The following KCNK3 variants were observed in gnomAD, a reference collection of about 807,000 sequenced individuals.
The protein encoded by KCNK3 is potassium channel subfamily K member 3.
KCNK3 carries 9 observed loss-of-function variants against 27.3 expected under a neutral mutation model. The observed-to-expected ratio is 0.33, with a 90% CI of 0.20 to 0.57. KCNK3 has a LOEUF of 0.57. Ranked by LOEUF, KCNK3 falls within the 20% of genes least tolerant of loss-of-function variation. The probability of loss-of-function intolerance (pLI) is 0.87; values close to 1 mark genes in which losing one functional copy is unlikely to be tolerated. For missense variants in KCNK3, 391 were observed against 577.7 expected, an observed-to-expected ratio of 0.68 and a Z score of 3.31; for synonymous variants, 278 against 273.8, an observed-to-expected ratio of 1.02 and a Z score of -0.15.
chr2:26,731,398 C>T lies in KCNK3; in HGVS notation c.*2830C>T, dbSNP rs557424371. On this transcript the variant is annotated 3_prime_UTR_variant, in exon 2 of 2. Coordinates refer to ENST00000302909, the MANE Select transcript of KCNK3 (RefSeq NM_002246.3). Reference sequence around the variant, plus strand: ...CAGCCTGGCCAACATGGTAAAACCCCGTCTCTACTAAAAATACAAAAATTA... The same window carrying T: ...CAGCCTGGCCAACATGGTAAAACCCTGTCTCTACTAAAAATACAAAAATTA... 1.4e-4 allele frequency: 22 copies of T among 152,416 alleles called. No homozygotes were observed. Among genetic ancestry groups the T allele is most frequent in the Non-Finnish European group, 2.3e-4 (16 of 68,170 alleles). The allele number at this position is 152,416 out of a possible 1,614,324, so 9.4% of individuals were successfully genotyped here. A position where few individuals can be genotyped will look rare whatever the true frequency, so the allele number is the denominator to read the frequency against.
At chr2:26,712,368 GGGTTGAGTGAGTAT>G (rs1341209518) in intron 1 of KCNK3, among the ~76,000 whole-genome samples, 1 of 152,232 alleles carries the variant, frequency 6.6e-6, no homozygotes, top group Non-Finnish European at 1.5e-5. Flanking sequence ...ATAGGGTGCA[GGGTTGAGTGAGTAT>G]GTTTCTACGG....
intron 1 of KCNK3, among the ~76,000 whole-genome samples, chr2:26,706,213 G>C (rs763073422): frequency 6.6e-6 from 1 of 152,162 alleles, no homozygotes; most frequent in Non-Finnish European, 1.5e-5. Context: ...GCTCATCCTC[G>C]AGCCAAAGCT....
In KCNK3 at chr2:26,728,067, C is replaced by T; in HGVS notation, c.684C>T (p.Ile228=). Residue 228 remains isoleucine (I), a synonymous_variant, in exon 2 of 2, where the codon ATC becomes ATT. Coordinates refer to ENST00000302909, the MANE Select transcript of KCNK3 (RefSeq NM_002246.3). ...ACGTGGCCTTCAGCTTCGTCTACAT[C>T]CTTACGGGCCTCACGGTCATCGGCG... is the stretch of plus-strand genomic sequence containing the variant. The part of the protein sequence containing the change: ...PQYVAFSFVY[I]LTGLTVIGAF... 6.2e-7 allele frequency: 1 copy of T among 1,614,132 alleles called. No individual in the cohort carries two copies. The highest frequency in any genetic ancestry group is 1.1e-5 in the South Asian group (1 of 91,070).
intron 1 of KCNK3, among the ~76,000 whole-genome samples, chr2:26,725,799 G>A (rs1217980103): frequency 6.6e-6 from 1 of 152,196 alleles, no homozygotes; most frequent in African/African-American, 2.4e-5. Context: ...AGAGCTCCTT[G>A]AGCTTTAAGA....
intron 1 of KCNK3, among the ~76,000 whole-genome samples, chr2:26,717,045 AC>A (rs1663246224): frequency 6.6e-6 from 1 of 152,180 alleles, no homozygotes; most frequent in African/African-American, 2.4e-5. Flanking sequence ...GTTGCAAGAG[AC>A]CACAGACTCA....
rs543787932 is a variant in KCNK3, at chr2:26,707,334, C to T, written c.283+14176C>T. Among the ~76,000 whole-genome samples the T allele has an allele frequency of 1.3e-3, 200 of 152,298 alleles. 1 individual carries two copies. The highest frequency in any genetic ancestry group is 4.2e-3 in the African/African-American group (175 of 41,568). ...CAGGCTGATCCCAGCCACTGCCTTC[C>T]GACAGGGAGTGGCCAGGAGCGAGGC... On this transcript the variant is annotated intron_variant, in intron 1 of 1. Coordinates refer to ENST00000302909, the MANE Select transcript of KCNK3 (RefSeq NM_002246.3).
At chr2:26,713,459 G>A (rs1287950070) in intron 1 of KCNK3, among the ~76,000 whole-genome samples, 3 of 152,172 alleles carry the variant, frequency 2.0e-5, no homozygotes, top group Admixed American at 1.3e-4. Flanking sequence ...TCTGAGTGGT[G>A]AATGGCAACA....
At chr2:26,695,415 A>T (rs184592255) in intron 1 of KCNK3, among the ~76,000 whole-genome samples, 23 of 152,020 alleles carry the variant, frequency 1.5e-4, no homozygotes, top group African/African-American at 4.8e-4. Context: ...GTCCATGCTA[A>T]CCTTCCAGGT....
At chr2:26,723,201 G>T (rs1663355418) in intron 1 of KCNK3, among the ~76,000 whole-genome samples, 1 of 152,196 alleles carries the variant, frequency 6.6e-6, no homozygotes, top group Non-Finnish European at 1.5e-5. Flanking sequence ...GCTTTGAATA[G>T]AAGGAAATAA....
At chr2:26,694,512 G>A (rs191396782) in intron 1 of KCNK3, among the ~76,000 whole-genome samples, 227 of 152,240 alleles carry the variant, frequency 1.5e-3, no homozygotes, top group Non-Finnish European at 2.7e-3. Flanking sequence ...AAGAATCTAC[G>A]GCTCCCTGGG....
intron 1 of KCNK3, among the ~76,000 whole-genome samples, chr2:26,723,004 C>T (rs1160733566): frequency 2.0e-5 from 3 of 152,232 alleles, no homozygotes; most frequent in Non-Finnish European, 4.4e-5. Flanking sequence ...CCCCAGATCT[C>T]CTGCCTCCTA....
At chr2:26,708,864 C>T (rs1663045199) in intron 1 of KCNK3, among the ~76,000 whole-genome samples, 1 of 152,030 alleles carries the variant, frequency 6.6e-6, no homozygotes, top group African/African-American at 2.4e-5. Flanking sequence ...CACAGGTCAC[C>T]AGGCCACCCG....
At chr2:26,699,250 A>AAAGAAAGAAAGAAAGAAAGAAAGCAAGC (rs35378015) in intron 1 of KCNK3, among the ~76,000 whole-genome samples, 4 of 142,774 alleles carry the variant, frequency 2.8e-5, no homozygotes, top group African/African-American at 5.8e-5. Flanking sequence ...AGAAAGAAAG[A>AAAGAAAGAAAGAAAGAAAGAAAGCAAGC]AAGCCAGCCA....
intron 1 of KCNK3, among the ~76,000 whole-genome samples, chr2:26,701,499 G>T (rs1369013441): frequency 6.6e-6 from 1 of 152,206 alleles, no homozygotes; most frequent in Non-Finnish European, 1.5e-5. Flanking sequence ...TGCCAGGAAG[G>T]CACCTTAGAT....
intron 1 of KCNK3, among the ~76,000 whole-genome samples, chr2:26,708,062 T>C (rs968675925): frequency 3.9e-5 from 6 of 152,142 alleles, no homozygotes; most frequent in Non-Finnish European, 7.3e-5. Flanking sequence ...TTAGAGGAAG[T>C]AGAGAGTCAA....
intron 1 of KCNK3, among the ~76,000 whole-genome samples, chr2:26,709,408 G>A (rs1381862986): frequency 2.6e-5 from 4 of 152,172 alleles, no homozygotes; most frequent in African/African-American, 9.7e-5. Context: ...AGCCTGCCAG[G>A]AGATGGGAAG....
rs1008953037 is a variant in KCNK3 at position 26,728,684 on chromosome 2, A to G, written c.*116A>G. The G allele has an allele frequency of 6.0e-6, 5 of 834,830 alleles. No individual in the cohort carries two copies. Among genetic ancestry groups the G allele is most frequent in the African/African-American group, 5.5e-5 (3 of 54,478 alleles). The allele number at this position is 834,830 out of a possible 1,614,324, so 51.7% of individuals were successfully genotyped here. A position where few individuals can be genotyped will look rare whatever the true frequency, so the allele number is the denominator to read the frequency against. On this transcript the variant is annotated 3_prime_UTR_variant, in exon 2 of 2. Coordinates refer to ENST00000302909, the MANE Select transcript of KCNK3 (RefSeq NM_002246.3). ...GGGACCCCGCACAACATCCCTCACC[A>G]CTCTCCCCCAGCACCCCCATCTCCG...
chr2:26,726,106 CAG>C (rs1168877805), intron 1 of KCNK3, among the ~76,000 whole-genome samples: 24 of 81,806 alleles, frequency 2.9e-4, no homozygotes, highest in African/African-American at 1.5e-3. Context: ...CACACACACA[CAG>C]AGAGAGAGAG....
chr2:26,717,743 G>T (rs537423380), intron 1 of KCNK3, among the ~76,000 whole-genome samples: 1 of 152,344 alleles, frequency 6.6e-6, no homozygotes, highest in African/African-American at 2.4e-5. Flanking sequence ...TCAGGGCCCT[G>T]CCCAGGACCC....
Sources: gnomAD v4.1 joint callset for allele counts (sites outside exome capture counted in the v4.1 genomes callset) on GRCh38, gnomAD v4.1.1 for gene constraint, MANE v1.5 for transcripts, NCBI Gene and HGNC (gene_info 2026-07-23, HGNC 2026-07-21) for gene names.